Variants in MND1 observed in about 807,000 individuals in gnomAD.
MND1 encodes meiotic nuclear divisions 1, also known as meiotic nuclear division protein 1 homolog.
In MND1, 28 loss-of-function variants were observed where a neutral mutation model predicts 35.1. The observed-to-expected ratio is 0.80, with a 90% CI of 0.59 to 1.09. The LOEUF (loss-of-function observed/expected upper bound fraction) is 1.09, where lower values mean the gene tolerates loss of function less well. MND1 is among the 50% of genes least tolerant of loss of function. The pLI is 0.00. For missense variants in MND1, 213 were observed against 239.6 expected (o/e 0.89, Z 0.73); for synonymous variants, 69 against 70.5 (o/e 0.98, Z 0.11).
chr4:153,350,951 T>TAAAAAAAAAAAAAAAAAA (rs567868452), intron 2 of MND1, among the ~76,000 whole-genome samples: 2 of 123,542 alleles, frequency 1.6e-5, no homozygotes, highest in Non-Finnish European at 3.5e-5. Flanking sequence ...AGATTCTTAG[T>TAAAAAAAAAAAAAAAAAA]AAAAAAAAAA....
chr4:153,362,255 A>T (rs1396846359), intron 4 of MND1, among the ~76,000 whole-genome samples: 1 of 152,040 alleles, frequency 6.6e-6, no homozygotes, highest in Admixed American at 6.6e-5. Flanking sequence ...CCACTCCCAA[A>T]CCTCATGTCA....
At chr4:153,356,581 T>C (rs930623296) in intron 3 of MND1, among the ~76,000 whole-genome samples, 34 of 136,084 alleles carry the variant, frequency 2.5e-4, no homozygotes, top group Admixed American at 5.3e-4. Context: ...AAAAAAGATA[T>C]GTATAAATCT....
intron 6 of MND1, among the ~76,000 whole-genome samples, chr4:153,403,867 G>T (rs1262309102): frequency 6.6e-6 from 1 of 152,026 alleles, no homozygotes. Context: ...TTGGGCTCAA[G>T]CAATCCTCCT....
Position 153,358,646 on chromosome 4 carries a change from A to G in MND1, c.276+24A>G. On this transcript the variant is annotated intron_variant, in intron 4 of 7. Coordinates refer to ENST00000240488, the MANE Select transcript of MND1 (RefSeq NM_032117.4). ...AGGTAAGCTGCCACAGTTAAAAAGA[A>G]TAGAGTTGCTTTATAACGGAGAGTT... 1.9e-6 allele frequency: 3 copies of G among 1,603,620 alleles called. No homozygotes were observed. The South Asian group carries it at 3.4e-5, about 18-fold the overall frequency.
chr4:153,348,133 G>C (rs1039795962), intron 1 of MND1, among the ~76,000 whole-genome samples: 1 of 152,312 alleles, frequency 6.6e-6, no homozygotes, highest in African/African-American at 2.4e-5. Context: ...GGCAGTGGTA[G>C]TAGAGATAGA....
At chr4:153,390,823 CT>C (rs1454943117) in intron 4 of MND1, among the ~76,000 whole-genome samples, 3 of 151,470 alleles carry the variant, frequency 2.0e-5, no homozygotes, top group Non-Finnish European at 2.9e-5. Context: ...ATTCCAGCCC[CT>C]GTCTCAAAAA....
intron 4 of MND1, among the ~76,000 whole-genome samples, chr4:153,393,548 T>A (rs1255328467): frequency 2.0e-5 from 3 of 151,828 alleles, no homozygotes; most frequent in African/African-American, 4.8e-5. Flanking sequence ...TTGGCTAAAT[T>A]TTTTTGTATT....
intron 6 of MND1, among the ~76,000 whole-genome samples, chr4:153,406,061 A>T (rs2149658621): frequency 6.6e-6 from 1 of 152,122 alleles, no homozygotes; most frequent in Admixed American, 6.5e-5. Flanking sequence ...CGGCCTCCCA[A>T]AGTGCTGGGA....
chr4:153,380,834 A>T (rs1421449524), intron 4 of MND1, among the ~76,000 whole-genome samples: 1 of 152,186 alleles, frequency 6.6e-6, no homozygotes, highest in African/African-American at 2.4e-5. Context: ...TATTTTAAAT[A>T]ATGCTGAAAA....
At chr4:153,389,968 A>T (rs1728975368) in intron 4 of MND1, among the ~76,000 whole-genome samples, 1 of 151,824 alleles carries the variant, frequency 6.6e-6, no homozygotes, top group African/African-American at 2.4e-5. Flanking sequence ...CCCACCCCAG[A>T]TGTGCTATTC....
chr4:153,389,581 G>A (rs1378035082), intron 4 of MND1, among the ~76,000 whole-genome samples: 4 of 152,006 alleles, frequency 2.6e-5, no homozygotes, highest in African/African-American at 4.8e-5. Flanking sequence ...GGCTGGTCTC[G>A]AACACCTGAC....
At chr4:153,395,335 C>T (rs1044435644) in intron 5 of MND1, among the ~76,000 whole-genome samples, 1 of 152,152 alleles carries the variant, frequency 6.6e-6, no homozygotes, top group African/African-American at 2.4e-5. Context: ...CTAATGGTGA[C>T]ATATGCTTGC....
intron 4 of MND1, among the ~76,000 whole-genome samples, chr4:153,360,031 C>T (rs1030734351): frequency 6.6e-6 from 1 of 152,094 alleles, no homozygotes; most frequent in Non-Finnish European, 1.5e-5. Flanking sequence ...AGGTGATCCA[C>T]CCACCTTGGC....
At chr4:153,391,105 A>G (rs563017280) in intron 4 of MND1, among the ~76,000 whole-genome samples, 32 of 152,188 alleles carry the variant, frequency 2.1e-4, no homozygotes, top group African/African-American at 7.0e-4. Flanking sequence ...TTTAAATGTT[A>G]TGTATATATT....
chr4:153,361,279 G>A (rs1472818470), intron 4 of MND1, among the ~76,000 whole-genome samples: 2 of 152,226 alleles, frequency 1.3e-5, no homozygotes, highest in East Asian at 1.9e-4. Flanking sequence ...ATTGCTTCCC[G>A]AATATAGAAT....
chr4:153,365,723 G>T (rs544035464), intron 4 of MND1, among the ~76,000 whole-genome samples: 2 of 152,072 alleles, frequency 1.3e-5, no homozygotes, highest in South Asian at 4.2e-4. Context: ...TCTCAGCCTC[G>T]CAAAGTTCTG....
intron 4 of MND1, among the ~76,000 whole-genome samples, chr4:153,393,336 G>T (rs1252433632): frequency 6.7e-6 from 1 of 148,610 alleles, no homozygotes; most frequent in Non-Finnish European, 1.5e-5. Flanking sequence ...TTATATAAAA[G>T]ATTTTTTTGG....
At chr4:153,395,664 T>C (rs1220423395) in intron 5 of MND1, among the ~76,000 whole-genome samples, 1 of 152,222 alleles carries the variant, frequency 6.6e-6, no homozygotes, top group Non-Finnish European at 1.5e-5. Flanking sequence ...TGTATATTTA[T>C]TGAATCCTAC....
At chr4:153,348,877 A>G (rs1052369510) in intron 1 of MND1, among the ~76,000 whole-genome samples, 2 of 152,230 alleles carry the variant, frequency 1.3e-5, no homozygotes, top group Non-Finnish European at 2.9e-5. Flanking sequence ...CAGAATGGCA[A>G]TTCCAAATCC....
Sources: gnomAD v4.1 joint callset for allele counts (sites outside exome capture counted in the v4.1 genomes callset) on GRCh38, gnomAD v4.1.1 for gene constraint, MANE v1.5 for transcripts, NCBI Gene and HGNC (gene_info 2026-07-23, HGNC 2026-07-21) for gene names.